EPHA6: variants seen among roughly 807,000 people sequenced by gnomAD.
EPHA6 encodes EPH receptor A6.
Under a neutral mutation model 112.0 loss-of-function variants are expected in EPHA6, and 50 were observed. The observed-to-expected ratio is 0.45, with a 90% confidence interval of 0.36 to 0.56. EPHA6 has a LOEUF of 0.56. Among genes scored for constraint, EPHA6 ranks in the 20% least tolerant of loss-of-function variants. The pLI is 0.00. For missense variants in EPHA6, 1,280 were observed against 1,417.4 expected (o/e 0.90, Z 1.56); for synonymous variants, 529 against 490.7 (o/e 1.08, Z -1.03).
At chr3:97,735,899 A>C (rs749781962) in intron 15 of EPHA6, 26 bp from the exon 16 acceptor site, 2 of 1,505,076 alleles carry the variant, frequency 1.3e-6, no homozygotes, top group Non-Finnish European at 1.8e-6. Context: ...AAAATAAGAG[A>C]GTAATCTGTA....
intron 11 of EPHA6, among the ~76,000 whole-genome samples, chr3:97,556,827 G>A (rs1361551667): frequency 4.6e-5 from 7 of 151,982 alleles, no homozygotes; most frequent in Non-Finnish European, 8.8e-5. Flanking sequence ...AGTTTATGGT[G>A]TGTGAATTTA....
chr3:97,288,590 G>T (rs1172370472), intron 5 of EPHA6, among the ~76,000 whole-genome samples: 1 of 152,146 alleles, frequency 6.6e-6, no homozygotes, highest in African/African-American at 2.4e-5. Context: ...GGGGGAATAT[G>T]TACACGTTAA....
rs368792977 is a variant in EPHA6, at chr3:97,714,886, C to T, written c.2785-5375C>T. On this transcript the variant is annotated intron_variant, in intron 14 of 17. Coordinates refer to ENST00000389672, the MANE Select transcript of EPHA6 (RefSeq NM_001080448.3). ...GTAAGCACATTAATGCCTTCTTTGT[C>T]TGACATCAGTAAGACTCCATATGAT... Among the ~76,000 whole-genome samples, 14 of 152,358 alleles carry T rather than the reference C, an allele frequency of 9.2e-5. No homozygotes were observed. The South Asian group carries it at 2.7e-3, about 29-fold the overall frequency.
At chr3:97,608,663 A>C (rs1290794732) in intron 12 of EPHA6, among the ~76,000 whole-genome samples, 2 of 151,276 alleles carry the variant, frequency 1.3e-5, no homozygotes, top group Non-Finnish European at 3.0e-5. Flanking sequence ...TAGAGAGAGA[A>C]GCAAATTGGG....
intron 7 of EPHA6, among the ~76,000 whole-genome samples, chr3:97,451,919 G>A (rs575012560): frequency 6.6e-6 from 1 of 151,982 alleles, no homozygotes; most frequent in South Asian, 2.1e-4. Context: ...GTATGGGTTG[G>A]AAAGGAGTGA....
chr3:96,904,884 G>T (rs1352111212), intron 2 of EPHA6, among the ~76,000 whole-genome samples: 1 of 152,044 alleles, frequency 6.6e-6, no homozygotes, highest in Non-Finnish European at 1.5e-5. Flanking sequence ...TATTTCACCT[G>T]TCAAATTAAA....
chr3:97,495,116 G>A (rs1406399355), intron 10 of EPHA6, among the ~76,000 whole-genome samples: 1 of 152,150 alleles, frequency 6.6e-6, no homozygotes, highest in Non-Finnish European at 1.5e-5. Context: ...TTGGCATAGG[G>A]AGAGCTTACT....
At chr3:97,038,839 A>G (rs2612287) in intron 3 of EPHA6, among the ~76,000 whole-genome samples, 65,784 of 151,830 alleles carry the variant, frequency 0.43, 16,400 homozygotes, top group African/African-American at 0.69. Context: ...CAGATTGGAG[A>G]GAAGGGCATC....
intron 2 of EPHA6, among the ~76,000 whole-genome samples, chr3:96,923,254 C>A (rs541980441): frequency 6.6e-6 from 1 of 152,280 alleles, no homozygotes; most frequent in Admixed American, 6.5e-5. Context: ...TACACTCCCA[C>A]CAACAATGAA....
At chr3:96,963,192 G>C (rs564914950) in intron 2 of EPHA6, among the ~76,000 whole-genome samples, 14 of 147,080 alleles carry the variant, frequency 9.5e-5, no homozygotes, top group African/African-American at 3.3e-4. Flanking sequence ...GGGCACTAAA[G>C]AGAGCACTTT....
chr3:97,372,330 T>G (rs2085105163), intron 5 of EPHA6, among the ~76,000 whole-genome samples: 1 of 152,136 alleles, frequency 6.6e-6, no homozygotes, highest in African/African-American at 2.4e-5. Context: ...GGGCTGAATT[T>G]GCCTGGATAT....
chr3:97,332,087 G>A (rs2082829421), intron 5 of EPHA6, among the ~76,000 whole-genome samples: 1 of 152,168 alleles, frequency 6.6e-6, no homozygotes, highest in South Asian at 2.1e-4. Context: ...TCCCTGGGAT[G>A]CAAGGGTGGT....
At chr3:97,511,199 T>C (rs905019576) in intron 10 of EPHA6, among the ~76,000 whole-genome samples, 6 of 150,700 alleles carry the variant, frequency 4.0e-5, no homozygotes, top group African/African-American at 7.4e-5. Context: ...TCTGTGTCAC[T>C]GGCATTCCAG....
chr3:97,296,909 G>A (rs981672926), intron 5 of EPHA6, among the ~76,000 whole-genome samples: 1 of 152,102 alleles, frequency 6.6e-6, no homozygotes, highest in Non-Finnish European at 1.5e-5. Flanking sequence ...TGAACACAGG[G>A]GAATATCACT....
chr3:97,584,272 A>T (rs2093468113), intron 11 of EPHA6, among the ~76,000 whole-genome samples: 1 of 152,206 alleles, frequency 6.6e-6, no homozygotes, highest in Admixed American at 6.5e-5. Flanking sequence ...AAGGAGAATA[A>T]GACATACACA....
intron 3 of EPHA6, among the ~76,000 whole-genome samples, chr3:97,121,164 A>G (rs74697260): frequency 0.046 from 7,045 of 152,072 alleles, 566 homozygotes; most frequent in African/African-American, 0.16. Context: ...ATATTATTTT[A>G]AGAAAGTAGT....
chr3:97,130,431 A>T (rs2048307627), intron 3 of EPHA6, among the ~76,000 whole-genome samples: 1 of 151,942 alleles, frequency 6.6e-6, no homozygotes, highest in Non-Finnish European at 1.5e-5. Flanking sequence ...TTTTTATAGG[A>T]TCATGTTAAT....
intron 10 of EPHA6, among the ~76,000 whole-genome samples, chr3:97,500,549 C>G (rs2092093022): frequency 6.6e-6 from 1 of 152,022 alleles, no homozygotes; most frequent in Admixed American, 6.6e-5. Context: ...CATGAGAAAT[C>G]CACCCACATA....
chr3:97,552,992 A>C (rs2093050322), intron 11 of EPHA6, among the ~76,000 whole-genome samples: 1 of 152,144 alleles, frequency 6.6e-6, no homozygotes, highest in Admixed American at 6.6e-5. Flanking sequence ...AGTGTCTTGG[A>C]TTAAAGAAAT....
Sources: gnomAD v4.1 joint callset for allele counts (sites outside exome capture counted in the v4.1 genomes callset) on GRCh38, gnomAD v4.1.1 for gene constraint, MANE v1.5 for transcripts, NCBI Gene and HGNC (gene_info 2026-07-23, HGNC 2026-07-21) for gene names.